DEPTOR: variants seen among roughly 807,000 people sequenced by gnomAD.
The protein encoded by DEPTOR is DEP domain containing MTOR interacting protein.
A neutral mutation model predicts 41.6 loss-of-function variants in DEPTOR; 41 were observed. That is an observed-to-expected ratio of 0.98 (90% CI 0.77 to 1.28). The LOEUF is 1.28. DEPTOR is among the 50% of genes most tolerant of loss of function. The pLI, the probability that DEPTOR is intolerant of heterozygous loss-of-function variation, is 0.00. For synonymous variants in DEPTOR, 195 were observed against 192.3 expected (o/e 1.01, Z -0.12); for missense variants, 514 against 527.9 (o/e 0.97, Z 0.26).
At chr8:119,905,636 T>C (rs1170420028) in intron 1 of DEPTOR, among the ~76,000 whole-genome samples, 2 of 42,006 alleles carry the variant, frequency 4.8e-5, no homozygotes, top group African/African-American at 9.8e-5. Flanking sequence ...TATGGGCTTT[T>C]TTTTTTTTTT....
At chr8:120,038,177 G>A (rs944194272) in intron 8 of DEPTOR, among the ~76,000 whole-genome samples, 10 of 150,776 alleles carry the variant, frequency 6.6e-5, no homozygotes, top group East Asian at 1.9e-4. Flanking sequence ...GCTGAGGCAC[G>A]AGAATTGCTT....
At chr8:119,905,587 A>G (rs1251498470) in intron 1 of DEPTOR, among the ~76,000 whole-genome samples, 2 of 151,564 alleles carry the variant, frequency 1.3e-5, no homozygotes, top group African/African-American at 4.8e-5. Flanking sequence ...TATCTGTAAA[A>G]ATATTTTAGG....
intron 8 of DEPTOR, among the ~76,000 whole-genome samples, chr8:120,012,388 T>TA (rs1812543602): frequency 6.6e-6 from 1 of 152,222 alleles, no homozygotes; most frequent in South Asian, 2.1e-4. Flanking sequence ...TACAGCATGT[T>TA]ACTGTACTGA....
intron 8 of DEPTOR, among the ~76,000 whole-genome samples, chr8:120,030,496 A>ATTTTTTTTTTTTTTTTTTTTTT (rs1812870115): frequency 6.5e-5 from 2 of 30,934 alleles, no homozygotes; most frequent in African/African-American, 2.0e-4. Flanking sequence ...TAGGTTCATC[A>ATTTTTTTTTTTTTTTTTTTTTT]GTTTTTTTTT....
At chr8:119,979,079 C>T (rs1458861292) in intron 4 of DEPTOR, among the ~76,000 whole-genome samples, 3 of 152,094 alleles carry the variant, frequency 2.0e-5, no homozygotes, top group Non-Finnish European at 4.4e-5. Context: ...TCAGTGTGAC[C>T]ACGGAACGGT....
intron 3 of DEPTOR, among the ~76,000 whole-genome samples, chr8:119,956,823 C>T (rs1283153331): frequency 1.3e-5 from 2 of 151,114 alleles, no homozygotes; most frequent in Admixed American, 6.6e-5. Context: ...TAACGTCTGC[C>T]TCCTGGGTTC....
intron 8 of DEPTOR, among the ~76,000 whole-genome samples, chr8:120,043,628 T>C (rs907414796): frequency 6.6e-6 from 1 of 152,162 alleles, no homozygotes; most frequent in African/African-American, 2.4e-5. Flanking sequence ...GCCTGTAGAG[T>C]ATCCTGGAGG....
intron 1 of DEPTOR, among the ~76,000 whole-genome samples, chr8:119,909,551 G>A (rs1827709909): frequency 6.6e-6 from 1 of 152,198 alleles, no homozygotes; most frequent in African/African-American, 2.4e-5. Context: ...AGGGTGGCAT[G>A]AAAGGTGTAA....
intron 3 of DEPTOR, among the ~76,000 whole-genome samples, chr8:119,945,737 C>T (rs78951119): frequency 0.031 from 4,691 of 152,280 alleles, 248 homozygotes; most frequent in African/African-American, 0.11. Context: ...AAACTCAGAG[C>T]CCTTCCTAGA....
intron 3 of DEPTOR, among the ~76,000 whole-genome samples, chr8:119,931,945 T>A (rs1342742711): frequency 6.9e-6 from 1 of 144,736 alleles, no homozygotes; most frequent in East Asian, 2.0e-4. Flanking sequence ...TTCCTTTTTT[T>A]TTAATTAAAA....
chr8:119,916,279 T>TGG lies in DEPTOR; in HGVS notation c.123-12121_123-12120insGG, dbSNP rs1382754958. On this transcript the variant is annotated intron_variant, in intron 1 of 8. Transcript: ENST00000286234. ...CAGGCTAGGCTAATTTTTTTTTTTT[T>TGG]TTTTTTTTTTTTTTTTTTTTTTTAG... Among the ~76,000 whole-genome samples, 234 of 146,340 alleles carry TGG rather than the reference T, an allele frequency of 1.6e-3. 4 individuals are homozygous for TGG. The highest frequency in any genetic ancestry group is 2.6e-3 in the Non-Finnish European group (174 of 66,630).
At chr8:119,975,911 C>T (rs1260452743) in intron 4 of DEPTOR, among the ~76,000 whole-genome samples, 17 of 103,158 alleles carry the variant, frequency 1.6e-4, no homozygotes, top group African/African-American at 6.3e-4. Flanking sequence ...GATGGAGTCT[C>T]ACTTTGTTGC....
intron 6 of DEPTOR, among the ~76,000 whole-genome samples, chr8:120,005,936 A>G (rs6469888): frequency 0.81 from 122,847 of 151,988 alleles, 49,737 homozygotes; most frequent in Middle Eastern, 0.84. Context: ...CCCAGAGTAA[A>G]TGTGGCACAG....
At chr8:119,891,642 C>A (rs573636908) in intron 1 of DEPTOR, among the ~76,000 whole-genome samples, 70 of 152,176 alleles carry the variant, frequency 4.6e-4, no homozygotes, top group Non-Finnish European at 3.4e-4. Context: ...GCCTGTCCCC[C>A]CCAGCAAAGA....
chr8:119,873,781 A>G lies in DEPTOR; in HGVS notation c.-66A>G, dbSNP rs1436136882. ...GCGCGGGAAGCGTCTGTGAGGGCAGACTGATCCGAGCACCCAAACCCTCGG... is the reference window on the plus strand; with the variant it reads ...GCGCGGGAAGCGTCTGTGAGGGCAGGCTGATCCGAGCACCCAAACCCTCGG... On this transcript the variant is annotated 5_prime_UTR_variant, in exon 1 of 9. Coordinates refer to ENST00000286234, the MANE Select transcript of DEPTOR (RefSeq NM_022783.4). The G allele has an allele frequency of 1.9e-6, 3 of 1,597,466 alleles. No homozygotes were observed. The highest frequency in any genetic ancestry group is 1.7e-6 in the Non-Finnish European group (2 of 1,172,286).
intron 8 of DEPTOR, among the ~76,000 whole-genome samples, chr8:120,020,078 T>G (rs939319457): frequency 2.0e-5 from 3 of 149,638 alleles, no homozygotes; most frequent in Non-Finnish European, 3.0e-5. Flanking sequence ...CATTTTTTTT[T>G]GTTTGTTTTT....
chr8:120,028,943 G>C (rs1355008003), intron 8 of DEPTOR, among the ~76,000 whole-genome samples: 1 of 151,882 alleles, frequency 6.6e-6, no homozygotes, highest in Non-Finnish European at 1.5e-5. Flanking sequence ...AAACTAGCCA[G>C]ACGTGATGGC....
chr8:119,941,373 CAAAAAAAAAAAAAAA>C (rs749120675), intron 3 of DEPTOR, among the ~76,000 whole-genome samples: 1 of 39,964 alleles, frequency 2.5e-5, no homozygotes, highest in African/African-American at 1.2e-4. Context: ...ATCTCCATCT[CAAAAAAAAAAAAAAA>C]AAAAAAAAAG....
intron 3 of DEPTOR, among the ~76,000 whole-genome samples, chr8:119,962,256 C>CAAACA (rs879876341): frequency 6.6e-6 from 1 of 151,788 alleles, no homozygotes; most frequent in Non-Finnish European, 1.5e-5. Flanking sequence ...GACTCTGTCT[C>CAAACA]AAACAAAACA....
Sources: allele counts gnomAD v4.1 joint callset (sites outside exome capture counted in the v4.1 genomes callset), GRCh38; gene constraint gnomAD v4.1.1; transcripts MANE v1.5; gene names NCBI Gene and HGNC (gene_info 2026-07-23, HGNC 2026-07-21).